Variants in COL21A1 observed in about 807,000 individuals in gnomAD.
COL21A1 encodes collagen alpha-1(XXI) chain.
Under a neutral mutation model 137.9 loss-of-function variants are expected in COL21A1, and 149 were observed. The observed-to-expected ratio is 1.08, with a 90% CI of 0.95 to 1.24. The LOEUF is 1.24. Ranked by LOEUF, COL21A1 falls within the 50% of genes most tolerant of loss-of-function variation. The pLI, the probability that COL21A1 is intolerant of heterozygous loss-of-function variation, is 0.00. For missense variants in COL21A1, 1,167 were observed against 1,158.4 expected (o/e 1.01, Z -0.11); for synonymous variants, 456 against 391.5 (o/e 1.16, Z -1.95).
chr6:56,189,823 T>G (rs940110119), intron 1 of COL21A1, among the ~76,000 whole-genome samples: 6 of 152,130 alleles, frequency 3.9e-5, no homozygotes, highest in Non-Finnish European at 5.9e-5. Flanking sequence ...TTCAACATTC[T>G]TAAAGAAAAG....
At chr6:56,370,015 C>G (rs757996410) in intron 1 of COL21A1, among the ~76,000 whole-genome samples, 1 of 152,144 alleles carries the variant, frequency 6.6e-6, no homozygotes, top group Non-Finnish European at 1.5e-5. Flanking sequence ...TATATGCTTA[C>G]GTGTAAACAT....
chr6:56,225,934 T>C (rs1162674904), intron 1 of COL21A1: 1 of 152,004 alleles, frequency 6.6e-6, no homozygotes, highest in Non-Finnish European at 1.5e-5. Context: ...AGTGTTTAAA[T>C]AGATTAATCA....
At chr6:56,169,403 A>T (rs1203007695) in intron 5 of COL21A1, among the ~76,000 whole-genome samples, 2 of 151,996 alleles carry the variant, frequency 1.3e-5, no homozygotes, top group African/African-American at 4.8e-5. Context: ...GAAGTAGAGA[A>T]GATTGCCTTG....
chr6:56,359,591 T>C (rs965766766), intron 1 of COL21A1, among the ~76,000 whole-genome samples: 8 of 152,172 alleles, frequency 5.3e-5, no homozygotes, highest in African/African-American at 1.7e-4. Context: ...CGGACATCTG[T>C]TATTGATTAT....
intron 1 of COL21A1, among the ~76,000 whole-genome samples, chr6:56,325,070 T>C (rs1764975258): frequency 2.0e-5 from 3 of 150,054 alleles, no homozygotes; most frequent in Admixed American, 6.9e-5. Flanking sequence ...CTCTTCATTC[T>C]TCATCAAGCC....
At chr6:56,091,868 T>C (rs1768850727) in intron 17 of COL21A1, among the ~76,000 whole-genome samples, 1 of 152,202 alleles carries the variant, frequency 6.6e-6, no homozygotes, top group Admixed American at 6.5e-5. Flanking sequence ...TATTTTCTGT[T>C]ACGGTTTTTT....
chr6:56,164,113 T>TA (rs1776390134), intron 9 of COL21A1, among the ~76,000 whole-genome samples: 1 of 152,214 alleles, frequency 6.6e-6, no homozygotes, highest in African/African-American at 2.4e-5. Context: ...CTTCATTTTT[T>TA]ACCAGATTGT....
chr6:56,150,417 C>T (rs952813001), intron 10 of COL21A1, among the ~76,000 whole-genome samples: 1 of 151,988 alleles, frequency 6.6e-6, no homozygotes, highest in African/African-American at 2.4e-5. Context: ...ACTGGAGAGG[C>T]TGAGGCAGGA....
chr6:56,194,955 A>G (rs139930569), intron 1 of COL21A1, among the ~76,000 whole-genome samples: 1 of 152,286 alleles, frequency 6.6e-6, no homozygotes, highest in African/African-American at 2.4e-5. Flanking sequence ...TTCACAGATT[A>G]GTGGATTAAT....
At chr6:56,283,386 A>G (rs1763828130) in intron 1 of COL21A1, among the ~76,000 whole-genome samples, 1 of 152,202 alleles carries the variant, frequency 6.6e-6, no homozygotes, top group Non-Finnish European at 1.5e-5. Flanking sequence ...AGAAAAAAGG[A>G]AAAGAATAAA....
chr6:56,290,499 A>ATTT (rs1268560590), intron 1 of COL21A1, among the ~76,000 whole-genome samples: 9 of 139,968 alleles, frequency 6.4e-5, no homozygotes, highest in African/African-American at 1.9e-4. Flanking sequence ...CACTTAGGAG[A>ATTT]TTTTTTTTTT....
chr6:56,238,734 T>A (rs1782073810), intron 1 of COL21A1, among the ~76,000 whole-genome samples: 1 of 152,238 alleles, frequency 6.6e-6, no homozygotes, highest in African/African-American at 2.4e-5. Context: ...ATGGCTAAAA[T>A]CTGGATTTGC....
At chr6:56,092,657 C>T (rs886914684) in intron 17 of COL21A1, among the ~76,000 whole-genome samples, 3 of 152,128 alleles carry the variant, frequency 2.0e-5, no homozygotes, top group Admixed American at 6.6e-5. Flanking sequence ...TTTTGATCAA[C>T]ACATATGCTA....
chr6:56,061,270 G>T (rs539877431), intron 25 of COL21A1: 152 of 527,876 alleles, frequency 2.9e-4, no homozygotes, highest in Non-Finnish European at 3.6e-4. Flanking sequence ...ACAACTGATT[G>T]AGTATATTGT....
At chr6:56,311,906 T>C (rs1279155017) in intron 1 of COL21A1, among the ~76,000 whole-genome samples, 1 of 151,820 alleles carries the variant, frequency 6.6e-6, no homozygotes, top group Non-Finnish European at 1.5e-5. Context: ...CTTTCTGGAG[T>C]GGGGGATGCC....
Position 56,123,718 on chromosome 6 carries a change from C to T in COL21A1, c.1758+344G>A, listed in dbSNP as rs190773515. On this transcript the variant is annotated intron_variant, in intron 16 of 29. Transcript: ENST00000244728. ...CATACCACACAACTGATAAAGAAGC[C>T]GGGGTTAAGAAGACAGTTTCCCAGC... is the stretch of plus-strand genomic sequence containing the variant. Among the ~76,000 whole-genome samples, 681 of 152,212 alleles carry T rather than the reference C, an allele frequency of 4.5e-3. 5 individuals carry two copies. The highest frequency in any genetic ancestry group is 0.031 in the Middle Eastern group (9 of 294).
Position 56,069,101 on chromosome 6 carries a change from G to T in COL21A1, c.2036C>A (p.Thr679Lys). The change falls in exon 22 of 30, where the codon ACG becomes AAG. Residue 679 changes from threonine (T) to lysine (K), a missense_variant. Physicochemically the swap from Thr to Lys is moderately conservative, Grantham distance 78. Coordinates refer to ENST00000244728, the MANE Select transcript of COL21A1 (RefSeq NM_030820.4). ...GTATCCTGGTTCTCCTGGGGAACCC[G>T]TTGCTCCTGGTTCTCCCTATGTAAC... ...ASGLKGEPGATGSPGEPGYMG... is the reference protein window; with the variant it reads ...ASGLKGEPGAKGSPGEPGYMG... The T allele has an allele frequency of 6.3e-7, 1 of 1,598,294 alleles. No individual in the cohort carries two copies. Among genetic ancestry groups the T allele is most frequent in the Non-Finnish European group, 8.5e-7 (1 of 1,172,146 alleles).
chr6:56,164,779 A>G, intron 8 of COL21A1, 35 bp downstream of exon 8: 1 of 1,539,492 alleles, frequency 6.5e-7, no homozygotes, highest in Non-Finnish European at 8.8e-7. Flanking sequence ...CAATACAAAT[A>G]TTACCTTAAG....
At chr6:56,105,594 G>T (rs1340018664) in intron 16 of COL21A1, among the ~76,000 whole-genome samples, 1 of 152,000 alleles carries the variant, frequency 6.6e-6, no homozygotes, top group East Asian at 1.9e-4. Context: ...AGAATATTTG[G>T]GTATAACATG....
Sources: allele counts gnomAD v4.1 joint callset (sites outside exome capture counted in the v4.1 genomes callset), GRCh38; gene constraint gnomAD v4.1.1; transcripts MANE v1.5; gene names NCBI Gene and HGNC (gene_info 2026-07-23, HGNC 2026-07-21).